Variants in DHRS7C observed in about 807,000 individuals in gnomAD.
DHRS7C encodes dehydrogenase/reductase SDR family member 7C.
In DHRS7C, 28 loss-of-function variants were observed where a neutral mutation model predicts 29.6. That is an observed-to-expected ratio of 0.95 (90% CI 0.70 to 1.30). The LOEUF (loss-of-function observed/expected upper bound fraction) is 1.30. Among genes scored for constraint, DHRS7C ranks in the 50% most tolerant of loss-of-function variants. DHRS7C has a pLI of 0.00. For missense variants in DHRS7C, 403 were observed against 393.3 expected (o/e 1.02, Z -0.21); for synonymous variants, 158 against 160.2 (o/e 0.99, Z 0.10).
intron 1 of DHRS7C, among the ~76,000 whole-genome samples, chr17:9,781,966 CA>C (rs2066395784): frequency 6.6e-6 from 1 of 152,170 alleles, no homozygotes; most frequent in South Asian, 2.1e-4. Flanking sequence ...CATGTTTTTT[CA>C]AATCAAATGT....
chr17:9,783,797 C>T (rs1439230662), intron 1 of DHRS7C, among the ~76,000 whole-genome samples: 1 of 152,082 alleles, frequency 6.6e-6, no homozygotes, highest in Non-Finnish European at 1.5e-5. Flanking sequence ...GAAACCCCGT[C>T]TCTACTAAAA....
At chr17:9,784,142 C>G (rs2066409423) in intron 1 of DHRS7C, among the ~76,000 whole-genome samples, 1 of 151,832 alleles carries the variant, frequency 6.6e-6, no homozygotes, top group South Asian at 2.1e-4. Context: ...GAAAAAAAAT[C>G]CTAATAGAAA....
At chr17:9,778,885 A>G (rs2066377800) in intron 3 of DHRS7C, among the ~76,000 whole-genome samples, 1 of 152,070 alleles carries the variant, frequency 6.6e-6, no homozygotes, top group South Asian at 2.1e-4. Context: ...CTGCTTTGAT[A>G]AACTTTTATT....
chr17:9,790,681 G>A (rs565713667), intron 1 of DHRS7C, among the ~76,000 whole-genome samples: 1 of 152,322 alleles, frequency 6.6e-6, no homozygotes, highest in South Asian at 2.1e-4. Flanking sequence ...GGCAGCATGA[G>A]GTAGAGACTG....
chr17:9,786,927 T>G (rs1808716702), intron 1 of DHRS7C, among the ~76,000 whole-genome samples: 1 of 151,782 alleles, frequency 6.6e-6, no homozygotes, highest in Non-Finnish European at 1.5e-5. Flanking sequence ...CCTCGCTCCC[T>G]CCCTCTCTTG....
chr17:9,790,154 A>G (rs954110137), intron 1 of DHRS7C, among the ~76,000 whole-genome samples: 9 of 152,132 alleles, frequency 5.9e-5, no homozygotes, highest in Non-Finnish European at 1.3e-4. Flanking sequence ...TGGCAGCACT[A>G]TGAGAGTAAG....
intron 1 of DHRS7C, among the ~76,000 whole-genome samples, chr17:9,788,316 C>G (rs1181463060): frequency 6.6e-6 from 1 of 152,212 alleles, no homozygotes; most frequent in Non-Finnish European, 1.5e-5. Context: ...AAGCAATCCT[C>G]CTGCCTCAGC....
chr17:9,774,554 G>A lies in DHRS7C; in HGVS notation c.572-1632C>T, dbSNP rs57626302. On this transcript the variant is annotated intron_variant, in intron 4 of 5. Coordinates refer to ENST00000571134, the MANE Select transcript of DHRS7C (RefSeq NM_001105571.3). The surrounding 1 kb of genome is among the most constrained non-coding windows in gnomAD (Gnocchi z 5.0). ...CCGCCTTGGCCTTCCAAAGTGCTGG[G>A]ATTGCAGGTATGAGCCACTGTGCCC... 9.3e-3 allele frequency among the ~76,000 whole-genome samples: 1,418 copies of A among 152,326 alleles called. 20 individuals are homozygous for A. Among genetic ancestry groups the A allele is most frequent in the African/African-American group, 0.032 (1,344 of 41,562 alleles).
At chr17:9,773,741 T>TTTTTC (rs57969612) in intron 4 of DHRS7C, among the ~76,000 whole-genome samples, 1,482 of 129,270 alleles carry the variant, frequency 0.011, 111 homozygotes, top group African/African-American at 0.03. Flanking sequence ...TTTTTTTTTT[T>TTTTTC]TGAGACGGCG....
rs997752198 is a variant in DHRS7C at position 9,774,417 on chromosome 17, T to C, written c.572-1495A>G. On this transcript the variant is annotated intron_variant, in intron 4 of 5. Transcript: ENST00000571134. This position sits in a 1 kb window ranked among gnomAD's most constrained non-coding sequence, Gnocchi z 5.0. ...CTCCAGCCTTAGCCTCCCGAGTAAC[T>C]GAGATTATGGGTACACACCATCATG... Among the ~76,000 whole-genome samples the C allele has an allele frequency of 6.6e-6, 1 of 152,152 alleles. No individual in the cohort carries two copies. Among genetic ancestry groups the C allele is most frequent in the Admixed American group, 6.5e-5 (1 of 15,276 alleles).
At chr17:9,784,525 A>C (rs1272211948) in intron 1 of DHRS7C, among the ~76,000 whole-genome samples, 1 of 152,170 alleles carries the variant, frequency 6.6e-6, no homozygotes, top group African/African-American at 2.4e-5. Flanking sequence ...AAAAACGAAA[A>C]CAAAAAACAC....
chr17:9,771,631 C>G lies in DHRS7C; in HGVS notation c.793G>C (p.Val265Leu), dbSNP rs774255168. 6.3e-7 allele frequency: 1 copy of G among 1,595,146 alleles called. No homozygotes were observed. Among genetic ancestry groups the G allele is most frequent in the Non-Finnish European group, 8.6e-7 (1 of 1,169,350 alleles). Residue 265 changes from valine to leucine, a missense_variant, in exon 6 of 6, where the codon GTG becomes CTG. Coordinates refer to ENST00000571134, the MANE Select transcript of DHRS7C (RefSeq NM_001105571.3). ...VEVAEEVMRT[V>L]RRKKQEVFMA... ...AACACCTCTTGCTTCTTCCTCCGCA[C>G]GGTGCGCATCACCTCCTCCGCCACC...
rs1288947651 is a variant in DHRS7C, at chr17:9,771,610, CCT to C, written c.812_813del (p.Glu271GlyfsTer?). Reference sequence around the variant, plus strand: ...TTGGGGATGGGGTTGGCCATAAACACCTCTTGCTTCTTCCTCCGCACGGTGCG... The same window carrying C: ...TTGGGGATGGGGTTGGCCATAAACACCTTGCTTCTTCCTCCGCACGGTGCG... ...VMRTVRRKKQ[E>X]VFMANPIPKA... On this transcript the variant is annotated frameshift_variant, in exon 6 of 6. Coordinates refer to ENST00000571134, the MANE Select transcript of DHRS7C (RefSeq NM_001105571.3). LOFTEE classifies it high-confidence loss of function. The C allele has an allele frequency of 1.9e-6, 3 of 1,601,528 alleles. No homozygotes were observed. The African/African-American group carries it at 4.0e-5, about 21-fold the overall frequency.
chr17:9,780,151 GA>G (rs11289724), intron 2 of DHRS7C, 116 bp from the exon 3 acceptor site: 149,844 of 588,086 alleles, frequency 0.25, 2,482 homozygotes, highest in Non-Finnish European at 0.28. Context: ...TGAAATGACT[GA>G]AAAAAAAAAA....
At chr17:9,781,353 G>T in intron 2 of DHRS7C, 129 bp downstream of exon 2, 3 of 806,532 alleles carry the variant, frequency 3.7e-6, no homozygotes, top group Non-Finnish European at 6.0e-6. Context: ...AGGTCATTGG[G>T]TTCATTGCCT....
In DHRS7C at chr17:9,774,908, G is replaced by A. The variant is rs1475190276; in HGVS notation, c.572-1986C>T. Reference sequence around the variant, plus strand: ...TGGCTTCAGTTCTGACATTTACATGGGAAACTCTGTGCCCCTCAATTCCTC... The same window carrying A: ...TGGCTTCAGTTCTGACATTTACATGAGAAACTCTGTGCCCCTCAATTCCTC... On this transcript the variant is annotated intron_variant, in intron 4 of 5. Transcript: ENST00000571134. This position sits in a 1 kb window ranked among gnomAD's most constrained non-coding sequence, Gnocchi z 5.0. Among the ~76,000 whole-genome samples the A allele has an allele frequency of 6.6e-6, 1 of 152,156 alleles. No homozygotes were observed. Among genetic ancestry groups the A allele is most frequent in the Non-Finnish European group, 1.5e-5 (1 of 68,026 alleles).
intron 1 of DHRS7C, among the ~76,000 whole-genome samples, chr17:9,789,936 G>T (rs11867942): frequency 4.7e-4 from 71 of 152,224 alleles, no homozygotes; most frequent in African/African-American, 1.6e-3. Context: ...TGGGAATTGT[G>T]TGTGAGACTC....
Position 9,771,611 on chromosome 17 carries a change from C to A in DHRS7C, c.813G>T (p.Glu271Asp). 1 of 1,601,684 alleles carries A rather than the reference C, an allele frequency of 6.2e-7. No individual in the cohort carries two copies. The highest frequency in any genetic ancestry group is 8.5e-7 in the Non-Finnish European group (1 of 1,173,454). The part of the protein sequence containing the change: ...VMRTVRRKKQ[E>D]VFMANPIPKA... ...TGGGGATGGGGTTGGCCATAAACAC[C>A]TCTTGCTTCTTCCTCCGCACGGTGC... Residue 271 changes from glutamate to aspartate, a missense_variant, in exon 6 of 6, where the codon GAG (glutamate) becomes GAT (aspartate). Glu to Asp is a conservative substitution (Grantham distance 45). Coordinates refer to ENST00000571134, the MANE Select transcript of DHRS7C (RefSeq NM_001105571.3).
At chr17:9,786,572 G>A (rs958996886) in intron 1 of DHRS7C, among the ~76,000 whole-genome samples, 1 of 151,524 alleles carries the variant, frequency 6.6e-6, no homozygotes, top group African/African-American at 2.4e-5. Context: ...GGGGTTCTAC[G>A]TGTGTTTTGT....
Sources: allele counts gnomAD v4.1 joint callset (sites outside exome capture counted in the v4.1 genomes callset), GRCh38; gene constraint gnomAD v4.1.1; non-coding constraint Gnocchi (gnomAD v3.1); transcripts MANE v1.5; gene names NCBI Gene and HGNC (gene_info 2026-07-23, HGNC 2026-07-21).